The following SLC9A3 variants were observed in gnomAD, a reference collection of about 807,000 sequenced individuals.
SLC9A3 encodes solute carrier family 9 member A3.
Under a neutral mutation model 86.8 loss-of-function variants are expected in SLC9A3, and 37 were observed. The observed-to-expected ratio is 0.43, with a 90% CI of 0.33 to 0.56. The LOEUF is 0.56. Ranked by LOEUF, SLC9A3 falls within the 20% of genes least tolerant of loss-of-function variation. The pLI, the probability that SLC9A3 is intolerant of heterozygous loss-of-function variation, is 0.06. For synonymous variants in SLC9A3, 581 were observed against 528.3 expected (o/e 1.10, Z -1.37); for missense variants, 1,011 against 1,171.9 (o/e 0.86, Z 2.00).
At chr5:507,525 A>G (rs1417173302) in intron 1 of SLC9A3, among the ~76,000 whole-genome samples, 3 of 151,644 alleles carry the variant, frequency 2.0e-5, no homozygotes, top group African/African-American at 7.3e-5. Flanking sequence ...GCGGCTTCCC[A>G]AAGTGCTGGG....
chr5:477,059 A>G (rs1314701547), intron 11 of SLC9A3: 24 of 516,328 alleles, frequency 4.6e-5, no homozygotes, highest in Non-Finnish European at 7.0e-5. Flanking sequence ...CATGGGGACC[A>G]GGACAGGCTG....
chr5:522,334 G>A (rs529431586), intron 1 of SLC9A3, among the ~76,000 whole-genome samples: 1 of 152,256 alleles, frequency 6.6e-6, no homozygotes, highest in East Asian at 1.9e-4. Context: ...CAAAGCCCTG[G>A]TCAGTGTGCC....
In SLC9A3 at chr5:473,170, C is replaced by T. The variant is rs1738486179; in HGVS notation, c.*209G>A. The T allele has an allele frequency of 2.2e-6, 1 of 454,518 alleles. No individual in the cohort carries two copies. The highest frequency in any genetic ancestry group is 4.9e-5 in the Admixed American group (1 of 20,516). 28.2% of individuals were successfully genotyped at this position (454,518 alleles called of 1,614,324 possible). ...GGCCCCGCCCCCGGCGCAGGCCCCG[C>T]CCCCGGCTCGCCCTCGGGCGGCTCT... On this transcript the variant is annotated 3_prime_UTR_variant, in exon 17 of 17. Coordinates refer to ENST00000264938, the MANE Select transcript of SLC9A3 (RefSeq NM_004174.4).
intron 1 of SLC9A3, among the ~76,000 whole-genome samples, chr5:510,509 C>T (rs568405495): frequency 1.3e-5 from 2 of 152,196 alleles, no homozygotes; most frequent in Non-Finnish European, 2.9e-5. Context: ...GCTGTTTTCT[C>T]GAGTGAACCC....
At chr5:507,167 T>TTTTTTTTTTTTTTTTTTTTA (rs1740627168) in intron 1 of SLC9A3, among the ~76,000 whole-genome samples, 1 of 24,850 alleles carries the variant, frequency 4.0e-5, no homozygotes, top group Non-Finnish European at 7.9e-5. Flanking sequence ...CTGCTGCTTC[T>TTTTTTTTTTTTTTTTTTTTA]TTTTTTTTTT....
chr5:504,402 A>C (rs1258580368), intron 1 of SLC9A3, among the ~76,000 whole-genome samples: 3 of 152,186 alleles, frequency 2.0e-5, no homozygotes, highest in African/African-American at 7.2e-5. Flanking sequence ...GGCGGTGGAC[A>C]TGCAGGGTCC....
Position 476,330 on chromosome 5 carries a change from T to C in SLC9A3, c.1939A>G (p.Lys647Glu), listed in dbSNP as rs145136022. ...RHELTPTEDE[K>E]QDREIFHRTM... ...CTGTGGAAGATTTCCCGGTCCTGTT[T>C]CTCGTCCTCCGTGGGCGTGAGCTCG... Residue 647 changes from lysine (K) to glutamate (E), a missense_variant, in exon 13 of 17, where the codon AAA becomes GAA. By Grantham distance (56) the Lys-to-Glu change is moderately conservative (BLOSUM62 1). This residue lies in a region of SLC9A3 where 397 missense variants were observed against 346.3 expected (regional missense o/e 1.15). Transcript: ENST00000264938. The C allele has an allele frequency of 2.5e-4, 407 of 1,613,818 alleles. No individual in the cohort carries two copies. The highest frequency in any genetic ancestry group is 3.2e-4 in the Non-Finnish European group (376 of 1,180,008).
At chr5:477,876 G>T in intron 10 of SLC9A3, 1 of 158,496 alleles carries the variant, frequency 6.3e-6, no homozygotes, top group Non-Finnish European at 1.4e-5. Context: ...AGCCCGATGG[G>T]GCACAGAAGC....
At chr5:492,374 A>AACCCACAGGGGAGGGGAGGGAGGTC (rs1579795903) in intron 1 of SLC9A3, among the ~76,000 whole-genome samples, 2 of 61,078 alleles carry the variant, frequency 3.3e-5, no homozygotes, top group Non-Finnish European at 3.0e-5. Flanking sequence ...GGAGGGAGGT[A>AACCCACAGGGGAGGGGAGGGAGGTC]GGGGGGAACC....
At chr5:482,994 G>A (rs959677872) in intron 6 of SLC9A3, among the ~76,000 whole-genome samples, 2 of 151,922 alleles carry the variant, frequency 1.3e-5, no homozygotes, top group South Asian at 4.2e-4. Context: ...CTGGGCGGGG[G>A]CGGGGCTGTC....
rs1291685969 is a variant in SLC9A3 at position 477,587 on chromosome 5, G to A, written c.1648-143C>T. 7.1e-6 allele frequency: 4 copies of A among 567,362 alleles called. No individual in the cohort carries two copies. In the Admixed American group the frequency reaches 1.0e-4, roughly 14 times the overall value. The allele number at this position is 567,362 out of a possible 1,614,324, so 35.1% of individuals were successfully genotyped here. On this transcript the variant is annotated intron_variant, in intron 10 of 16. Transcript: ENST00000264938. ...AGCCCCGGGTTCACGCCTCACAGCT[G>A]CAGAGGGAGGGGTGGAAATGCCAAA... is the stretch of plus-strand genomic sequence containing the variant.
At position 496,145 on chromosome 5, in the gene SLC9A3, C is replaced by T. The variant is rs1419565359; in HGVS notation, c.212-4074G>A. Among the ~76,000 whole-genome samples the T allele has an allele frequency of 6.6e-6, 1 of 152,256 alleles. No individual in the cohort carries two copies. The highest frequency in any genetic ancestry group is 1.9e-4 in the East Asian group (1 of 5,204). ...TATACATATATACGCACAAACGCCG[C>T]ATAGGTGGGAGGGCGGCGGTTTGGA... On this transcript the variant is annotated intron_variant, in intron 1 of 16. Coordinates refer to ENST00000264938, the MANE Select transcript of SLC9A3 (RefSeq NM_004174.4). The surrounding 1 kb of genome is among the most constrained non-coding windows in gnomAD (Gnocchi z 4.7).
At chr5:499,692 G>T (rs984427321) in intron 1 of SLC9A3, among the ~76,000 whole-genome samples, 5 of 152,216 alleles carry the variant, frequency 3.3e-5, no homozygotes, top group African/African-American at 9.6e-5. Flanking sequence ...AGTCACTCCT[G>T]CTCCCTGGGG....
rs113432282 is a variant in SLC9A3 at position 491,379 on chromosome 5, C to T, written c.514+390G>A. 0.017 allele frequency among the ~76,000 whole-genome samples: 2,538 copies of T among 152,254 alleles called. 69 individuals carry two copies. Among genetic ancestry groups the T allele is most frequent in the African/African-American group, 0.059 (2,438 of 41,528 alleles). ...GGCTGCAGCGGTGGCCGAGCGGCTC[C>T]GGCACACAGGCTGGGAGGGACGGTG... On this transcript the variant is annotated intron_variant, in intron 2 of 16. Coordinates refer to ENST00000264938, the MANE Select transcript of SLC9A3 (RefSeq NM_004174.4). This position sits in a 1 kb window ranked among gnomAD's most constrained non-coding sequence, Gnocchi z 9.2.
intron 10 of SLC9A3, chr5:479,464 T>C: frequency 4.1e-6 from 1 of 245,508 alleles, no homozygotes. Context: ...TGCCTGTGCG[T>C]GTGCACCTGT....
chr5:499,996 G>A (rs1412417866), intron 1 of SLC9A3, among the ~76,000 whole-genome samples: 1 of 152,248 alleles, frequency 6.6e-6, no homozygotes, highest in Admixed American at 6.5e-5. Flanking sequence ...AGCCTCCTCG[G>A]CCCAGAGCTG....
In SLC9A3 at chr5:479,832, C is replaced by G; in HGVS notation, c.1647+4G>C. 1 of 1,613,126 alleles carries G rather than the reference C, an allele frequency of 6.2e-7. No individual in the cohort carries two copies. Among genetic ancestry groups the G allele is most frequent in the Non-Finnish European group, 8.5e-7 (1 of 1,179,934 alleles). ...CGACCCGGCAGAGCAAGCGGCTCTG[C>G]TACCTCAGCCACGTAGCTGATGGCA... On this transcript the variant is annotated splice_donor_region_variant and intron_variant, in intron 10 of 16. Transcript: ENST00000264938.
At chr5:488,256 G>T in intron 3 of SLC9A3, 60 bp downstream of exon 3, 5 of 1,578,882 alleles carry the variant, frequency 3.2e-6, no homozygotes, top group Non-Finnish European at 4.3e-6. Context: ...GATGGGGGGT[G>T]AGACGGGGCC....
At position 472,681 on chromosome 5, in the gene SLC9A3, G is replaced by C. The variant is rs1403367694; in HGVS notation, c.*698C>G. Reference sequence around the variant, plus strand: ...GGAAGACGTTCCTGCCACTTTACCTGCAGTTCAAAGACCTGGCGAGGGCCT... The same window carrying C: ...GGAAGACGTTCCTGCCACTTTACCTCCAGTTCAAAGACCTGGCGAGGGCCT... On this transcript the variant is annotated 3_prime_UTR_variant, in exon 17 of 17. Transcript: ENST00000264938. 2.0e-6 allele frequency: 1 copy of C among 512,282 alleles called. No individual in the cohort carries two copies. The highest frequency in any genetic ancestry group is 3.8e-6 in the Non-Finnish European group (1 of 263,420). 31.7% of individuals were successfully genotyped at this position (512,282 alleles called of 1,614,324 possible).
Sources: allele counts gnomAD v4.1 joint callset (sites outside exome capture counted in the v4.1 genomes callset), GRCh38; gene constraint gnomAD v4.1.1; regional missense constraint gnomAD v4.1.1; non-coding constraint Gnocchi (gnomAD v3.1); transcripts MANE v1.5; gene names NCBI Gene and HGNC (gene_info 2026-07-23, HGNC 2026-07-21).